TMEM182: variants seen among roughly 807,000 people sequenced by gnomAD.
The protein encoded by TMEM182 is transmembrane protein 182.
A neutral mutation model predicts 26.8 loss-of-function variants in TMEM182; 20 were observed. The observed-to-expected ratio is 0.75, with a 90% CI of 0.53 to 1.09. The LOEUF (loss-of-function observed/expected upper bound fraction) is 1.09, where lower values mean the gene tolerates loss of function less well. Among genes scored for constraint, TMEM182 ranks in the 50% least tolerant of loss-of-function variants. TMEM182 has a pLI of 0.00. For synonymous variants in TMEM182, 109 were observed against 102.2 expected, an observed-to-expected ratio of 1.07 and a Z score of -0.40; for missense variants, 277 against 275.5, an observed-to-expected ratio of 1.01 and a Z score of -0.04.
At chr2:102,758,414 C>A, upstream of TMEM182, 1 of 715,232 alleles carries the variant, frequency 1.4e-6, no homozygotes, top group South Asian at 1.5e-5. Context: ...AGAAGAGTTT[C>A]AAGTGACAGG....
chr2:102,792,304 C>T (rs572160833), intron 3 of TMEM182, among the ~76,000 whole-genome samples: 1 of 152,302 alleles, frequency 6.6e-6, no homozygotes, highest in East Asian at 1.9e-4. Context: ...GTGCTTACTA[C>T]ATGCAGCCGC....
intron 4 of TMEM182, among the ~76,000 whole-genome samples, chr2:102,811,654 A>AT (rs1451569597): frequency 6.6e-6 from 1 of 152,122 alleles, no homozygotes; most frequent in African/African-American, 2.4e-5. Flanking sequence ...TCACTCATTT[A>AT]TTTATATCAC....
chr2:102,773,800 G>A (rs1680784615), intron 3 of TMEM182, among the ~76,000 whole-genome samples: 1 of 152,032 alleles, frequency 6.6e-6, no homozygotes, highest in South Asian at 2.1e-4. Flanking sequence ...CTAGGACCAG[G>A]ATATTAGGAG....
intron 4 of TMEM182, among the ~76,000 whole-genome samples, chr2:102,810,569 G>A (rs928124819): frequency 6.6e-6 from 1 of 152,044 alleles, no homozygotes; most frequent in Non-Finnish European, 1.5e-5. Context: ...AAAATTATAC[G>A]TTTCAATCAT....
chr2:102,778,930 C>T (rs1365630026), intron 3 of TMEM182, among the ~76,000 whole-genome samples: 1 of 152,020 alleles, frequency 6.6e-6, no homozygotes, highest in Non-Finnish European at 1.5e-5. Context: ...TTTACTCTTT[C>T]CATTGTTTTT....
intron 1 of TMEM182, among the ~76,000 whole-genome samples, chr2:102,747,482 C>A (rs1459102356): frequency 6.6e-6 from 1 of 152,170 alleles, no homozygotes; most frequent in African/African-American, 2.4e-5. Flanking sequence ...CATGTCTAGT[C>A]CAGGATGATA....
At chr2:102,785,722 C>T (rs1681361242) in intron 3 of TMEM182, among the ~76,000 whole-genome samples, 1 of 152,026 alleles carries the variant, frequency 6.6e-6, no homozygotes, top group Non-Finnish European at 1.5e-5. Flanking sequence ...AATTCACATA[C>T]CTAAGAGAAA....
chr2:102,828,461 C>G (rs1387548637), intron 3 of TMEM182, among the ~76,000 whole-genome samples: 1 of 152,200 alleles, frequency 6.6e-6, no homozygotes, highest in African/African-American at 2.4e-5. Flanking sequence ...AGGTCGCCAG[C>G]TCAAGTCCCA....
chr2:102,760,190 C>T (rs1345834529), upstream of TMEM182, among the ~76,000 whole-genome samples: 1 of 152,020 alleles, frequency 6.6e-6, no homozygotes, highest in Non-Finnish European at 1.5e-5. Context: ...AATCTCAAGG[C>T]GTTTAAAGGA....
intron 3 of TMEM182, among the ~76,000 whole-genome samples, chr2:102,781,951 A>G (rs1352926981): frequency 6.6e-6 from 1 of 152,202 alleles, no homozygotes; most frequent in East Asian, 1.9e-4. Context: ...CAAAGGCACC[A>G]TAGTAATTTC....
rs370136386 is a variant in TMEM182 at position 102,817,549 on chromosome 2, GT to G, written c.*2582del. ...ATCGTGTACAATTTGAGGGTTGATG[GT>G]AGGGCTTTCTAAAAAAAGTAATATC... On this transcript the variant is annotated 3_prime_UTR_variant, in exon 5 of 5. Transcript: ENST00000412401. The G allele has an allele frequency of 4.1e-6, 4 of 984,640 alleles. No homozygotes were observed. In the African/African-American group the frequency reaches 7.0e-5, roughly 17 times the overall value. 61.0% of individuals were successfully genotyped at this position (984,640 alleles called of 1,614,324 possible). A position where few individuals can be genotyped will look rare whatever the true frequency, so the allele number is the denominator to read the frequency against.
chr2:102,807,088 G>T (rs1682378284), intron 4 of TMEM182, among the ~76,000 whole-genome samples: 1 of 152,222 alleles, frequency 6.6e-6, no homozygotes, highest in Middle Eastern at 3.4e-3. Flanking sequence ...CAGAGCACTG[G>T]GTATGTAGGA....
At chr2:102,752,373 G>A (rs1679899000) in intron 1 of TMEM182, among the ~76,000 whole-genome samples, 1 of 152,172 alleles carries the variant, frequency 6.6e-6, no homozygotes, top group Non-Finnish European at 1.5e-5. Flanking sequence ...ATCATGATAT[G>A]CTCTAATTTT....
intron 3 of TMEM182, among the ~76,000 whole-genome samples, chr2:102,796,392 C>T (rs753152820): frequency 3.9e-5 from 6 of 152,178 alleles, no homozygotes; most frequent in Non-Finnish European, 8.8e-5. Flanking sequence ...TGAGCTGCTT[C>T]TTGTTGTTAA....
intron 3 of TMEM182, among the ~76,000 whole-genome samples, chr2:102,778,135 G>T (rs979690022): frequency 2.6e-5 from 4 of 151,882 alleles, no homozygotes; most frequent in Non-Finnish European, 4.4e-5. Flanking sequence ...TTGTGGATTT[G>T]TCTATCTCCC....
intron 3 of TMEM182, among the ~76,000 whole-genome samples, chr2:102,830,457 C>G (rs943561164): frequency 1.3e-5 from 2 of 152,000 alleles, no homozygotes; most frequent in African/African-American, 4.8e-5. Context: ...GGGAAGTAAG[C>G]TTTATTTACA....
chr2:102,813,138 C>T (rs1682615144), intron 4 of TMEM182, among the ~76,000 whole-genome samples: 1 of 152,156 alleles, frequency 6.6e-6, no homozygotes, highest in Non-Finnish European at 1.5e-5. Context: ...CTATTTGATT[C>T]TTCATTGCTC....
intron 3 of TMEM182, among the ~76,000 whole-genome samples, chr2:102,778,198 A>C (rs1490062934): frequency 2.6e-5 from 4 of 151,734 alleles, no homozygotes; most frequent in Admixed American, 2.6e-4. Context: ...TGTTTTTTTT[A>C]TACATACACA....
chr2:102,758,400 A>C, upstream of TMEM182: 1 of 710,432 alleles, frequency 1.4e-6, no homozygotes, highest in East Asian at 2.7e-5. Context: ...AATCATGGAA[A>C]ACTAGAAGAG....
Sources: gnomAD v4.1 joint callset for allele counts (sites outside exome capture counted in the v4.1 genomes callset) on GRCh38, gnomAD v4.1.1 for gene constraint, MANE v1.5 for transcripts, NCBI Gene and HGNC (gene_info 2026-07-23, HGNC 2026-07-21) for gene names.